Variants in ZNF385D observed in about 807,000 individuals in gnomAD.
The protein encoded by ZNF385D is zinc finger protein 659.
A neutral mutation model predicts 35.8 loss-of-function variants in ZNF385D; 15 were observed. The ratio of observed to expected loss-of-function variants is 0.42; its 90% CI spans 0.28 to 0.64. The LOEUF (loss-of-function observed/expected upper bound fraction) is 0.64. Among genes scored for constraint, ZNF385D ranks in the 30% least tolerant of loss-of-function variants. The probability of loss-of-function intolerance (pLI) is 0.23; values close to 1 mark genes in which losing one functional copy is unlikely to be tolerated. For missense variants in ZNF385D, 474 were observed against 494.6 expected (o/e 0.96, Z 0.39); for synonymous variants, 212 against 186.8 (o/e 1.13, Z -1.10).
At chr3:21,490,986 C>T (rs1039519523) in intron 4 of ZNF385D, among the ~76,000 whole-genome samples, 4 of 107,270 alleles carry the variant, frequency 3.7e-5, no homozygotes, top group Non-Finnish European at 5.6e-5. Context: ...TTTTCAGAGA[C>T]GGCCAACTTC....
intron 3 of ZNF385D, among the ~76,000 whole-genome samples, chr3:22,066,900 C>T (rs913727726): frequency 2.0e-5 from 3 of 152,172 alleles, no homozygotes; most frequent in Admixed American, 2.0e-4. Flanking sequence ...AATGCTTCAT[C>T]AAAATCAATG....
chr3:21,501,085 A>T (rs905504422), intron 4 of ZNF385D, among the ~76,000 whole-genome samples: 13 of 152,198 alleles, frequency 8.5e-5, no homozygotes, highest in Admixed American at 2.6e-4. Context: ...CATGAATAAC[A>T]TGCCTGGTTA....
At chr3:21,933,216 T>C (rs896417136) in intron 3 of ZNF385D, among the ~76,000 whole-genome samples, 3 of 152,254 alleles carry the variant, frequency 2.0e-5, no homozygotes, top group South Asian at 2.1e-4. Context: ...TATTTTATGT[T>C]GCTTTTTCTC....
chr3:22,223,671 TA>T (rs1176645169), intron 2 of ZNF385D, among the ~76,000 whole-genome samples: 2 of 152,166 alleles, frequency 1.3e-5, no homozygotes, highest in African/African-American at 2.4e-5. Flanking sequence ...TATATTTTAA[TA>T]ATTTTGAACG....
intron 3 of ZNF385D, among the ~76,000 whole-genome samples, chr3:21,976,090 T>C (rs911925947): frequency 6.6e-6 from 1 of 152,140 alleles, no homozygotes; most frequent in Non-Finnish European, 1.5e-5. Flanking sequence ...TGGGGAAAAC[T>C]AGAGGGATCC....
chr3:22,095,637 A>T (rs1228557846), intron 3 of ZNF385D, among the ~76,000 whole-genome samples: 5 of 146,900 alleles, frequency 3.4e-5, no homozygotes, highest in African/African-American at 1.3e-4. Context: ...AGTGCAGTGT[A>T]TAAAAATCTA....
intron 3 of ZNF385D, among the ~76,000 whole-genome samples, chr3:21,930,372 A>T (rs1700944450): frequency 6.6e-6 from 1 of 152,004 alleles, no homozygotes; most frequent in Admixed American, 6.6e-5. Flanking sequence ...TTATCATCTT[A>T]ATTAGGCAAT....
intron 3 of ZNF385D, among the ~76,000 whole-genome samples, chr3:21,787,832 C>T (rs1279954828): frequency 6.6e-6 from 1 of 151,530 alleles, no homozygotes; most frequent in African/African-American, 2.4e-5. Context: ...AGAGCAATAA[C>T]TCGGGAGGCT....
chr3:21,794,122 T>C (rs764686122), intron 3 of ZNF385D, among the ~76,000 whole-genome samples: 5 of 152,150 alleles, frequency 3.3e-5, no homozygotes, highest in Non-Finnish European at 5.9e-5. Context: ...GAGAGCCTTA[T>C]GTGCGTAGCA....
intron 3 of ZNF385D, among the ~76,000 whole-genome samples, chr3:22,127,424 C>T (rs955061417): frequency 7.4e-5 from 10 of 134,878 alleles, no homozygotes; most frequent in African/African-American, 2.8e-4. Flanking sequence ...AATGAAACCT[C>T]TGCTTCCTGG....
intron 3 of ZNF385D, among the ~76,000 whole-genome samples, chr3:21,925,585 C>T (rs1400722242): frequency 6.6e-6 from 1 of 151,862 alleles, no homozygotes; most frequent in Non-Finnish European, 1.5e-5. Context: ...TGAGACTTGA[C>T]CCAAAAAGGA....
chr3:21,496,099 A>G (rs1286312441), intron 4 of ZNF385D, among the ~76,000 whole-genome samples: 1 of 151,984 alleles, frequency 6.6e-6, no homozygotes, highest in African/African-American at 2.4e-5. Context: ...GGAAATTCAC[A>G]GCTGAATTCT....
chr3:21,418,716 A>G lies in ZNF385D; in HGVS notation c.*2498T>C, dbSNP rs1030223280. 7.2e-5 allele frequency: 11 copies of G among 152,222 alleles called. No individual in the cohort carries two copies. Among genetic ancestry groups the G allele is most frequent in the African/African-American group, 2.4e-4 (10 of 41,460 alleles). The allele number at this position is 152,222 out of a possible 1,614,324, so 9.4% of individuals were successfully genotyped here. ...CACTTTGGTGAAAATGGGAAAGAAC[A>G]GCAAAAGCACGTTTTAGTGAGACTG... On this transcript the variant is annotated 3_prime_UTR_variant, in exon 8 of 8. Transcript: ENST00000281523.
In ZNF385D at chr3:22,294,330, G is replaced by A. The variant is rs7619598; in HGVS notation, c.106+78120C>T. Among the ~76,000 whole-genome samples, 1,091 of 151,896 alleles carry A rather than the reference G, an allele frequency of 7.2e-3. 9 individuals carry two copies. The highest frequency in any genetic ancestry group is 0.024 in the African/African-American group (1,010 of 41,422). On this transcript the variant is annotated intron_variant, in intron 2 of 5. Coordinates refer to the ZNF385D transcript ENST00000494108. ...TTTGTACAACTTCCCTCCTTAATGA[G>A]CCTCCATTATTTAGTGCTATTTTTC... is the stretch of plus-strand genomic sequence containing the variant.
At chr3:22,232,936 T>C (rs918684333) in intron 2 of ZNF385D, among the ~76,000 whole-genome samples, 4 of 152,226 alleles carry the variant, frequency 2.6e-5, no homozygotes, top group Admixed American at 1.3e-4. Flanking sequence ...AACTTCTTCA[T>C]TCTGCTTAAA....
At chr3:22,347,954 T>C (rs148031237) in intron 2 of ZNF385D, among the ~76,000 whole-genome samples, 76 of 152,310 alleles carry the variant, frequency 5.0e-4, no homozygotes, top group Non-Finnish European at 8.4e-4. Context: ...TTTTTCTTGT[T>C]TCACCTGAAA....
At chr3:21,624,935 T>C (rs889054122) in intron 2 of ZNF385D, among the ~76,000 whole-genome samples, 2 of 152,030 alleles carry the variant, frequency 1.3e-5, no homozygotes, top group South Asian at 2.1e-4. Context: ...CCCAGTCACA[T>C]AGGCTTTAAA....
At chr3:21,966,577 ACTT>A (rs1157943258) in intron 3 of ZNF385D, among the ~76,000 whole-genome samples, 1 of 152,062 alleles carries the variant, frequency 6.6e-6, no homozygotes, top group Admixed American at 6.6e-5. Context: ...TAGCAGGTTT[ACTT>A]CTTGTTTGTT....
intron 3 of ZNF385D, among the ~76,000 whole-genome samples, chr3:22,129,946 T>C (rs567843855): frequency 1.8e-4 from 28 of 152,220 alleles, no homozygotes; most frequent in Non-Finnish European, 3.5e-4. Flanking sequence ...CAGCATAATA[T>C]TGGGTCTTTC....
Sources: gnomAD v4.1 joint callset for allele counts (sites outside exome capture counted in the v4.1 genomes callset) on GRCh38, gnomAD v4.1.1 for gene constraint, MANE v1.5 for transcripts, NCBI Gene and HGNC (gene_info 2026-07-23, HGNC 2026-07-21) for gene names.